Variants in PIK3R5 observed in about 807,000 individuals in gnomAD.
PIK3R5 encodes the protein phosphoinositide 3-kinase regulatory subunit 5.
Under a neutral mutation model 94.9 loss-of-function variants are expected in PIK3R5, and 32 were observed. The ratio of observed to expected loss-of-function variants is 0.34; its 90% CI spans 0.25 to 0.45. PIK3R5 has a LOEUF of 0.45. PIK3R5 is among the 20% of genes least tolerant of loss of function. The pLI, the probability that PIK3R5 is intolerant of heterozygous loss-of-function variation, is 1.00. For synonymous variants in PIK3R5, 443 were observed against 479.4 expected (o/e 0.92, Z 0.99); for missense variants, 853 against 1,144.6 (o/e 0.75, Z 3.68).
intron 5 of PIK3R5, among the ~76,000 whole-genome samples, chr17:8,903,682 A>G (rs1420863062): frequency 6.6e-6 from 1 of 151,954 alleles, no homozygotes; most frequent in Non-Finnish European, 1.5e-5. Context: ...TATATAGGTT[A>G]TTAAAATTTC....
At chr17:8,943,599 C>T (rs185439659) in intron 1 of PIK3R5, among the ~76,000 whole-genome samples, 23 of 152,190 alleles carry the variant, frequency 1.5e-4, no homozygotes, top group Admixed American at 7.2e-4. Context: ...GGGTGAAACC[C>T]CGTCTCTACT....
chr17:8,953,108 C>T (rs1178277901), intron 1 of PIK3R5, among the ~76,000 whole-genome samples: 4 of 152,110 alleles, frequency 2.6e-5, no homozygotes, highest in Non-Finnish European at 4.4e-5. Context: ...GGAAGTTGGA[C>T]GCCTCCTTCT....
intron 5 of PIK3R5, among the ~76,000 whole-genome samples, chr17:8,902,184 A>G (rs1447929718): frequency 3.3e-5 from 5 of 150,098 alleles, no homozygotes; most frequent in Middle Eastern, 3.4e-3. Context: ...TCATATTTCC[A>G]TAAGTGTATT....
At chr17:8,897,478 C>T (rs548755970) in intron 5 of PIK3R5, among the ~76,000 whole-genome samples, 134 of 152,318 alleles carry the variant, frequency 8.8e-4, no homozygotes, top group African/African-American at 2.9e-3. Flanking sequence ...GCAGAGCCAC[C>T]GGGCTTGTGG....
rs750286052 is a variant in PIK3R5, at chr17:8,888,619, C to T, written c.1168G>A (p.Gly390Ser). The change falls in exon 10 of 19, where the codon GGC (glycine) becomes AGC (serine). Residue 390 changes from glycine to serine, a missense_variant. This residue lies in a region of PIK3R5 where 319 missense variants were observed against 339.8 expected (regional missense o/e 0.94). Coordinates refer to ENST00000447110, the MANE Select transcript of PIK3R5 (RefSeq NM_001142633.3). This position sits in a 1 kb window ranked among gnomAD's most constrained non-coding sequence, Gnocchi z 7.8. The stretch of plus-strand genomic sequence containing the variant: ...CTCTCCTCGCTGTCCTCCACGTAGC[C>T]GCTGTCCATGCCATCAGAGAGGCCT... ...VSGLSDGMDS[G>S]YVEDSEESSS... 8 of 1,612,710 alleles carry T rather than the reference C, an allele frequency of 5.0e-6. No individual in the cohort carries two copies. Among genetic ancestry groups the T allele is most frequent in the African/African-American group, 2.7e-5 (2 of 74,916 alleles).
intron 1 of PIK3R5, among the ~76,000 whole-genome samples, chr17:8,927,896 G>A (rs985603441): frequency 3.9e-5 from 6 of 152,050 alleles, no homozygotes; most frequent in Admixed American, 2.6e-4. Context: ...TGAGAGCCTG[G>A]CACCTTCCCC....
Position 8,926,295 on chromosome 17 carries a change from G to A in PIK3R5, c.-13-14788C>T, listed in dbSNP as rs115655897. The stretch of plus-strand genomic sequence containing the variant: ...AGAGAGAAGTGACAGAGAGGCAACT[G>A]CTTTGGGAAGCTTTGCTCAGAAGAG... On this transcript the variant is annotated intron_variant, in intron 1 of 18. Coordinates refer to ENST00000447110, the MANE Select transcript of PIK3R5 (RefSeq NM_001142633.3). Among the ~76,000 whole-genome samples the A allele has an allele frequency of 9.1e-3, 1,390 of 152,218 alleles. 15 individuals are homozygous for A. Among genetic ancestry groups the A allele is most frequent in the African/African-American group, 0.031 (1,302 of 41,504 alleles).
At chr17:8,923,877 T>TTGCCC in intron 1 of PIK3R5, among the ~76,000 whole-genome samples, 1 of 120,154 alleles carries the variant, frequency 8.3e-6, no homozygotes, top group South Asian at 3.0e-4. Context: ...TTCCCTTCCC[T>TTGCCC]TCCCCTCCCC....
rs577346371 is a variant in PIK3R5 at position 8,930,640 on chromosome 17, A to G, written c.-13-19133T>C. ...AACTAAATGTCTTTCAATTTAGAAT[A>G]TGGTTCGACAGACTATGGTCCATCT... On this transcript the variant is annotated intron_variant, in intron 1 of 18. Transcript: ENST00000447110. 9.8e-5 allele frequency among the ~76,000 whole-genome samples: 15 copies of G among 152,366 alleles called. 1 individual carries two copies. In the East Asian group the frequency reaches 2.7e-3, roughly 27 times the overall value.
At chr17:8,899,674 C>T (rs1324303445) in intron 5 of PIK3R5, among the ~76,000 whole-genome samples, 1 of 152,158 alleles carries the variant, frequency 6.6e-6, no homozygotes, top group East Asian at 1.9e-4. Flanking sequence ...GTTCCCTGGC[C>T]TCCATCCTAG....
chr17:8,920,148 T>C (rs1384833014), intron 1 of PIK3R5, among the ~76,000 whole-genome samples: 2 of 152,024 alleles, frequency 1.3e-5, no homozygotes, highest in Non-Finnish European at 2.9e-5. Context: ...CCTCCCAAAG[T>C]GCTGGGATTA....
intron 1 of PIK3R5, among the ~76,000 whole-genome samples, chr17:8,921,939 A>G (rs2090756738): frequency 6.6e-6 from 1 of 152,220 alleles, no homozygotes; most frequent in Non-Finnish European, 1.5e-5. Flanking sequence ...CAAAATTTAA[A>G]ACTCTGTGCA....
chr17:8,921,524 A>G (rs548918466), intron 1 of PIK3R5, among the ~76,000 whole-genome samples: 2 of 152,372 alleles, frequency 1.3e-5, no homozygotes, highest in South Asian at 2.1e-4. Flanking sequence ...TGGTCATACC[A>G]AAGAACAGAG....
chr17:8,940,745 G>C (rs1384012184), intron 1 of PIK3R5, among the ~76,000 whole-genome samples: 1 of 152,064 alleles, frequency 6.6e-6, no homozygotes, highest in Non-Finnish European at 1.5e-5. Flanking sequence ...ATTTTTAGTA[G>C]AGACAGGGTT....
chr17:8,890,696 CAGAGA>C lies in PIK3R5; in HGVS notation c.657+37_657+41del. 6.5e-7 allele frequency: 1 copy of C among 1,549,600 alleles called. No homozygotes were observed. Among genetic ancestry groups the C allele is most frequent in the Non-Finnish European group, 8.8e-7 (1 of 1,140,464 alleles). ...AAGCAGGGAGAGGGTGCTACCTCCT[CAGAGA>C]GGTGCTCCACCAGAGCCCCAGGCCC... On this transcript the variant is annotated intron_variant, in intron 7 of 18. Coordinates refer to ENST00000447110, the MANE Select transcript of PIK3R5 (RefSeq NM_001142633.3). The surrounding 1 kb of genome is among the most constrained non-coding windows in gnomAD (Gnocchi z 6.1).
intron 1 of PIK3R5, among the ~76,000 whole-genome samples, chr17:8,919,509 G>C (rs545924334): frequency 6.6e-6 from 1 of 152,336 alleles, no homozygotes; most frequent in Non-Finnish European, 1.5e-5. Flanking sequence ...CTCTGTGGGG[G>C]ATTTAAGGGC....
rs2151368191 is a variant in PIK3R5, at chr17:8,888,082, C to T, written c.1616+89G>A. 2.1e-6 allele frequency: 2 copies of T among 971,696 alleles called. No individual in the cohort carries two copies. The highest frequency in any genetic ancestry group is 3.1e-6 in the Non-Finnish European group (2 of 647,352). 60.2% of individuals were successfully genotyped at this position (971,696 alleles called of 1,614,324 possible). On this transcript the variant is annotated intron_variant, in intron 10 of 18. Transcript: ENST00000447110. This position sits in a 1 kb window ranked among gnomAD's most constrained non-coding sequence, Gnocchi z 7.8. ...ATAAATAAGGGAACTTTTGGTTCCT[C>T]TGGGGCCCTAAGCCTCAGGCCCCAG...
chr17:8,888,974 G>T lies in PIK3R5; in HGVS notation c.896-83C>A. On this transcript the variant is annotated intron_variant, in intron 9 of 18. Coordinates refer to ENST00000447110, the MANE Select transcript of PIK3R5 (RefSeq NM_001142633.3). This position sits in a 1 kb window ranked among gnomAD's most constrained non-coding sequence, Gnocchi z 7.8. Reference sequence around the variant, plus strand: ...ATTCCCTTTGGAGGGGAGACAGCAGGACTCAGGGCCAGCCCAGGACTCCTA... The same window carrying T: ...ATTCCCTTTGGAGGGGAGACAGCAGTACTCAGGGCCAGCCCAGGACTCCTA... The T allele has an allele frequency of 6.5e-7, 1 of 1,537,990 alleles. No individual in the cohort carries two copies. Among genetic ancestry groups the T allele is most frequent in the Non-Finnish European group, 8.7e-7 (1 of 1,146,730 alleles).
intron 3 of PIK3R5, among the ~76,000 whole-genome samples, chr17:8,907,056 G>T (rs1051320691): frequency 5.9e-5 from 9 of 151,950 alleles, no homozygotes; most frequent in Non-Finnish European, 7.4e-5. Context: ...ATGGAGTCTC[G>T]CTCTGTCGCC....
Sources: allele counts gnomAD v4.1 joint callset (sites outside exome capture counted in the v4.1 genomes callset), GRCh38; gene constraint gnomAD v4.1.1; regional missense constraint gnomAD v4.1.1; non-coding constraint Gnocchi (gnomAD v3.1); transcripts MANE v1.5; gene names NCBI Gene and HGNC (gene_info 2026-07-23, HGNC 2026-07-21).